USH1C: variants seen among roughly 807,000 people sequenced by gnomAD.
USH1C encodes USH1 protein network component harmonin, also known as harmonin.
Under a neutral mutation model 119.3 loss-of-function variants are expected in USH1C, and 90 were observed. The ratio of observed to expected loss-of-function variants is 0.75; its 90% confidence interval spans 0.64 to 0.90. The LOEUF (loss-of-function observed/expected upper bound fraction) is 0.90. Among genes scored for constraint, USH1C ranks in the 40% least tolerant of loss-of-function variants. The pLI is 0.00. For missense variants in USH1C, 1,165 were observed against 1,167.7 expected, an observed-to-expected ratio of 1.00 and a Z score of 0.03; for synonymous variants, 465 against 443.3, an observed-to-expected ratio of 1.05 and a Z score of -0.62.
At chr11:17,527,371 A>G (rs775120875) in intron 4 of USH1C, 40 bp from the exon 5 acceptor site, 10 of 1,509,056 alleles carry the variant, frequency 6.6e-6, no homozygotes, top group South Asian at 2.2e-5. Flanking sequence ...AGGTGGAGGG[A>G]GCATCAGGCA....
chr11:17,523,547 C>G (rs1850523196), intron 9 of USH1C, 69 bp from the exon 10 acceptor site: 3 of 1,492,590 alleles, frequency 2.0e-6, no homozygotes, highest in Non-Finnish European at 2.8e-6. Flanking sequence ...GCAGGACAGG[C>G]TCCCCCAGGG....
chr11:17,514,171 G>A (rs1480335679), intron 15 of USH1C, among the ~76,000 whole-genome samples: 1 of 152,218 alleles, frequency 6.6e-6, no homozygotes, highest in African/African-American at 2.4e-5. Context: ...TTGAGCCCCA[G>A]AGGGATTTAC....
intron 20 of USH1C, among the ~76,000 whole-genome samples, chr11:17,504,336 T>C (rs1006743813): frequency 4.6e-5 from 7 of 152,190 alleles, no homozygotes; most frequent in African/African-American, 1.7e-4. Context: ...TCTTGGCCTC[T>C]GTGGGCCTCT....
chr11:17,505,768 CA>C, intron 19 of USH1C, 61 bp downstream of exon 19: 1 of 1,611,256 alleles, frequency 6.2e-7, no homozygotes, highest in South Asian at 1.1e-5. Context: ...CAGCAGAGCC[CA>C]GGGGAGGTAG....
intron 4 of USH1C, among the ~76,000 whole-genome samples, chr11:17,529,025 C>T (rs1287052899): frequency 6.6e-6 from 1 of 152,192 alleles, no homozygotes; most frequent in Non-Finnish European, 1.5e-5. Flanking sequence ...TCAGGTCTCC[C>T]TGATCGACAA....
intron 25 of USH1C, 146 bp from the exon 26 acceptor site, chr11:17,495,823 T>C (rs995515660): frequency 5.0e-6 from 4 of 798,824 alleles, no homozygotes; most frequent in Non-Finnish European, 6.0e-6. Flanking sequence ...GAGACCCTGG[T>C]TTCTCCAAGA....
At chr11:17,496,881 TCCCCATTTCTGGG>T in intron 24 of USH1C, 68 bp from the exon 25 acceptor site, 1 of 1,586,040 alleles carries the variant, frequency 6.3e-7, no homozygotes. Context: ...CGGCACTCCA[TCCCCATTTCTGGG>T]CCCCATGGCC....
intron 15 of USH1C, chr11:17,514,411 G>T (rs897462339): frequency 1.3e-5 from 2 of 152,308 alleles, no homozygotes; most frequent in East Asian, 1.9e-4. Flanking sequence ...TAGAGACAGG[G>T]TTTCACCCTG....
At chr11:17,542,048 C>T (rs1201080219) in intron 1 of USH1C, among the ~76,000 whole-genome samples, 1 of 152,178 alleles carries the variant, frequency 6.6e-6, no homozygotes, top group African/African-American at 2.4e-5. Flanking sequence ...TCTATTTAAG[C>T]TCCCCACACA....
chr11:17,524,755 T>G (rs1416611179), intron 8 of USH1C, among the ~76,000 whole-genome samples: 1 of 152,240 alleles, frequency 6.6e-6, no homozygotes, highest in Non-Finnish European at 1.5e-5. Context: ...ATACCTCATA[T>G]GCTGTTTCTT....
rs1565066938 is a variant in USH1C at position 17,533,363 on chromosome 11, A to ACG, written c.37-42_37-41insCG. The ACG allele has an allele frequency of 4.4e-6, 6 of 1,370,282 alleles. No homozygotes were observed. In the Admixed American group the frequency reaches 6.9e-5, roughly 16 times the overall value. The allele number at this position is 1,370,282 out of a possible 1,614,324, so 84.9% of individuals were successfully genotyped here. A position where few individuals can be genotyped will look rare whatever the true frequency, so the allele number is the denominator to read the frequency against. On this transcript the variant is annotated intron_variant, in intron 1 of 26. Coordinates refer to ENST00000005226, the MANE Select transcript of USH1C (RefSeq NM_153676.4). ...GCAGAATCACAGCTCCAGGCTCAGCACCCGCCCCCATAGCAGACCTCAGGG... is the reference window on the plus strand; with the variant it reads ...GCAGAATCACAGCTCCAGGCTCAGCACGCCCGCCCCCATAGCAGACCTCAGGG...
intron 15 of USH1C, among the ~76,000 whole-genome samples, chr11:17,515,197 G>A (rs1850087963): frequency 6.6e-6 from 1 of 152,080 alleles, no homozygotes. Flanking sequence ...GAAACAGATA[G>A]TCTTATGAGA....
chr11:17,507,626 G>C (rs1035420831), intron 18 of USH1C, among the ~76,000 whole-genome samples: 1 of 152,212 alleles, frequency 6.6e-6, no homozygotes. Flanking sequence ...TAACTTATTT[G>C]ATTCGAATAG....
rs2041032 is a variant in USH1C, at chr11:17,521,102, T to C, written c.1086-108A>G. The C allele has an allele frequency of 0.59, 872,502 of 1,475,084 alleles. 259,534 individuals carry two copies. The highest frequency in any genetic ancestry group is 0.71 in the South Asian group (62,651 of 87,914). The allele number at this position is 1,475,084 out of a possible 1,614,324, so 91.4% of individuals were successfully genotyped here. On this transcript the variant is annotated intron_variant, in intron 13 of 26. Coordinates refer to ENST00000005226, the MANE Select transcript of USH1C (RefSeq NM_153676.4). ...CTGGGGAGAAGCCTCATGGTTCTAGTCATGATGAATCAAGCAAAGTCCCCG... is the reference window on the plus strand; with the variant it reads ...CTGGGGAGAAGCCTCATGGTTCTAGCCATGATGAATCAAGCAAAGTCCCCG...
chr11:17,521,459 T>C (rs1317944965), intron 12 of USH1C, 48 bp from the exon 13 acceptor site: 7 of 1,576,448 alleles, frequency 4.4e-6, no homozygotes, highest in Admixed American at 1.7e-5. Context: ...GCAAGAGAAA[T>C]GAACTCTTCC....
In USH1C at chr11:17,531,723, A is replaced by G. The variant is rs905951741; in HGVS notation, c.105-181T>C. Among the ~76,000 whole-genome samples the G allele has an allele frequency of 1.3e-5, 2 of 152,186 alleles. No homozygotes were observed. Among genetic ancestry groups the G allele is most frequent in the African/African-American group, 4.8e-5 (2 of 41,454 alleles). ...GCCTGAGAAGACTTTGTTCTCTTAT[A>G]TAAATATCCCCAGGAAACCAGTCTA... On this transcript the variant is annotated intron_variant, in intron 2 of 26. Transcript: ENST00000005226. The surrounding 1 kb of genome is among the most constrained non-coding windows in gnomAD (Gnocchi z 4.2).
chr11:17,498,416 G>A (rs1228650410), intron 23 of USH1C, 145 bp from the exon 24 acceptor site: 1 of 801,692 alleles, frequency 1.2e-6, no homozygotes, highest in Non-Finnish European at 2.2e-6. Context: ...GAAAGCATGA[G>A]GGGAAACTAG....
At chr11:17,529,878 G>A (rs1213162915) in intron 4 of USH1C, among the ~76,000 whole-genome samples, 1 of 152,236 alleles carries the variant, frequency 6.6e-6, no homozygotes, top group East Asian at 1.9e-4. Flanking sequence ...AGTCATCGAG[G>A]CAGCATTGAG....
At chr11:17,512,376 A>G (rs1849931696) in intron 15 of USH1C, among the ~76,000 whole-genome samples, 1 of 152,138 alleles carries the variant, frequency 6.6e-6, no homozygotes, top group South Asian at 2.1e-4. Context: ...TACCTCCCCC[A>G]CAGGCTTGCC....
Sources: gnomAD v4.1 joint callset for allele counts (sites outside exome capture counted in the v4.1 genomes callset) on GRCh38, gnomAD v4.1.1 for gene constraint, Gnocchi (gnomAD v3.1) non-coding constraint, MANE v1.5 for transcripts, NCBI Gene and HGNC (gene_info 2026-07-23, HGNC 2026-07-21) for gene names.